USP34: variants seen among roughly 807,000 people sequenced by gnomAD.
The protein encoded by USP34 is ubiquitin specific peptidase 34.
A neutral mutation model predicts 460.3 loss-of-function variants in USP34; 70 were observed. That is an observed-to-expected ratio of 0.15 (90% CI 0.13 to 0.19). The LOEUF (loss-of-function observed/expected upper bound fraction) is 0.19. USP34 is among the 10% of genes least tolerant of loss of function. USP34 has a pLI of 1.00. For synonymous variants in USP34, 1,647 were observed against 1,405.3 expected (o/e 1.17, Z -3.85); for missense variants, 3,985 against 4,236.2 (o/e 0.94, Z 1.65).
chr2:61,214,465 C>T lies in USP34; in HGVS notation c.8277G>A (p.Met2759Ile). ...TTKLVPYFSF[M>I]TYCLISKTEK... ...CAGTTTTGGAAATTAAACAGTAAGT[C>T]ATAAAGCTAAAATAGGGCACTAGCT... Residue 2759 changes from methionine to isoleucine, a missense_variant, in exon 68 of 80, where the codon ATG becomes ATA. Coordinates refer to ENST00000398571, the MANE Select transcript of USP34 (RefSeq NM_014709.4). The T allele has an allele frequency of 6.2e-7, 1 of 1,614,038 alleles. No individual in the cohort carries two copies. Among genetic ancestry groups the T allele is most frequent in the Non-Finnish European group, 8.5e-7 (1 of 1,180,000 alleles).
chr2:61,341,435 G>C (rs1691594647), intron 16 of USP34, among the ~76,000 whole-genome samples: 1 of 152,288 alleles, frequency 6.6e-6, no homozygotes, highest in African/African-American at 2.4e-5. Context: ...TCCAGTGTTG[G>C]AGGTGAGTCT....
Position 61,265,436 on chromosome 2 carries a change from A to G in USP34, c.5739T>C (p.Tyr1913=), listed in dbSNP as rs1689019204. The change falls in exon 43 of 80, where the codon TAT becomes TAC. Residue 1913 remains tyrosine, a synonymous_variant. Transcript: ENST00000398571. The stretch of plus-strand genomic sequence containing the variant: ...CAGCCTGTCTTGCCTCAGGTATCAT[A>G]TAAAGTTGCTGAATAGTAGAAGCTA... ...CYLASTIQQL[Y]MIPEARQAVF... is the part of the protein sequence containing the mutation. 2 of 1,612,952 alleles carry G rather than the reference A, an allele frequency of 1.2e-6. No individual in the cohort carries two copies. Among genetic ancestry groups the G allele is most frequent in the South Asian group, 1.1e-5 (1 of 90,600 alleles).
chr2:61,399,292 G>C (rs1339213835), intron 3 of USP34, among the ~76,000 whole-genome samples: 3 of 148,522 alleles, frequency 2.0e-5, no homozygotes, highest in African/African-American at 7.5e-5. Flanking sequence ...GCAGTGAGCT[G>C]TTATCATGCC....
intron 8 of USP34, among the ~76,000 whole-genome samples, chr2:61,374,035 A>G (rs971173956): frequency 4.6e-5 from 7 of 152,076 alleles, no homozygotes; most frequent in Non-Finnish European, 1.0e-4. Context: ...AGGTGCCTAT[A>G]ATCCCAGTTA....
chr2:61,353,929 G>A (rs958181281), intron 10 of USP34, among the ~76,000 whole-genome samples: 4 of 151,930 alleles, frequency 2.6e-5, no homozygotes, highest in Admixed American at 6.6e-5. Flanking sequence ...CTGAGCAAGC[G>A]GAAAAAAGAA....
At chr2:61,349,411 GT>G in intron 12 of USP34, 126 bp from the exon 13 acceptor site, 1 of 890,324 alleles carries the variant, frequency 1.1e-6, no homozygotes, top group Non-Finnish European at 1.7e-6. Flanking sequence ...ATAAGGTTAA[GT>G]CCCCACCACC....
At chr2:61,467,869 C>G (rs144106423) in intron 1 of USP34, among the ~76,000 whole-genome samples, 1 of 151,978 alleles carries the variant, frequency 6.6e-6, no homozygotes, top group Non-Finnish European at 1.5e-5. Flanking sequence ...GATCCGCCCA[C>G]CTCGGCCTCC....
At chr2:61,453,058 T>G (rs897313596) in intron 1 of USP34, among the ~76,000 whole-genome samples, 5 of 152,102 alleles carry the variant, frequency 3.3e-5, no homozygotes, top group African/African-American at 4.8e-5. Flanking sequence ...ATATAAAGCT[T>G]TTAGGCAATA....
At chr2:61,270,581 A>G (rs919998273) in intron 41 of USP34, among the ~76,000 whole-genome samples, 4 of 152,056 alleles carry the variant, frequency 2.6e-5, no homozygotes, top group African/African-American at 9.7e-5. Flanking sequence ...GATTACGGGT[A>G]TGCACCGCCA....
intron 71 of USP34, 134 bp from the exon 72 acceptor site, chr2:61,206,258 GTCATTTTCATGAGATGATTACTAC>G: frequency 1.4e-6 from 1 of 700,192 alleles, no homozygotes; most frequent in Non-Finnish European, 2.4e-6. Context: ...TGAAAGCTAA[GTCATTTTCATGAGATGATTACTAC>G]TAATGTTAAA....
At chr2:61,227,364 A>T (rs527298807) in intron 61 of USP34, 146 bp from the exon 62 acceptor site, 1 of 810,248 alleles carries the variant, frequency 1.2e-6, no homozygotes, top group East Asian at 2.7e-5. Context: ...ACCTAATGTA[A>T]AACACTCTAA....
chr2:61,204,326 T>C lies in USP34; in HGVS notation c.9314A>G (p.Lys3105Arg). ...AGGGCGCGGAGGCCGAATATTGCTT[T>C]TCCCTCCTATTAGCTTGATATTTTC... The part of the protein sequence containing the change: ...CRENIKLIGG[K>R]SNIRPPRPEL... Residue 3105 changes from lysine to arginine, a missense_variant, in exon 74 of 80, where the codon AAA becomes AGA. This residue lies in a region of USP34 where 275 missense variants were observed against 292.7 expected (regional missense o/e 0.94). Coordinates refer to ENST00000398571, the MANE Select transcript of USP34 (RefSeq NM_014709.4). The C allele has an allele frequency of 6.2e-7, 1 of 1,614,224 alleles. No homozygotes were observed. Among genetic ancestry groups the C allele is most frequent in the Non-Finnish European group, 8.5e-7 (1 of 1,180,044 alleles).
At chr2:61,253,515 C>T (rs1241872401) in intron 48 of USP34, among the ~76,000 whole-genome samples, 1 of 152,216 alleles carries the variant, frequency 6.6e-6, no homozygotes, top group East Asian at 1.9e-4. Flanking sequence ...GTCCACCTAA[C>T]AACTTGCCCA....
intron 34 of USP34, among the ~76,000 whole-genome samples, 174 bp downstream of exon 34, chr2:61,288,503 T>G (rs913499613): frequency 6.6e-6 from 1 of 152,218 alleles, no homozygotes; most frequent in African/African-American, 2.4e-5. Context: ...TTCTGGATGA[T>G]GAAATGAAAA....
intron 67 of USP34, among the ~76,000 whole-genome samples, chr2:61,215,501 G>A (rs1192316992): frequency 1.1e-4 from 16 of 152,192 alleles, no homozygotes; most frequent in Admixed American, 1.0e-3. Flanking sequence ...ATGCTGAGGA[G>A]TTAGTGACTT....
intron 8 of USP34, among the ~76,000 whole-genome samples, chr2:61,373,286 C>A (rs993898673): frequency 6.7e-6 from 1 of 149,632 alleles, no homozygotes; most frequent in Non-Finnish European, 1.5e-5. Flanking sequence ...AGAAAACCAA[C>A]AGCAAAATGA....
intron 41 of USP34, among the ~76,000 whole-genome samples, chr2:61,268,857 T>G (rs1023728979): frequency 1.3e-5 from 2 of 152,172 alleles, no homozygotes; most frequent in African/African-American, 4.8e-5. Flanking sequence ...AATGCATATA[T>G]TCAGTAAAAT....
intron 27 of USP34, among the ~76,000 whole-genome samples, chr2:61,301,731 A>G (rs568417499): frequency 6.6e-6 from 1 of 152,314 alleles, no homozygotes; most frequent in South Asian, 2.1e-4. Flanking sequence ...AATAACAAGT[A>G]TATTACCAAC....
intron 1 of USP34, among the ~76,000 whole-genome samples, chr2:61,433,079 C>G (rs1694722373): frequency 1.3e-5 from 2 of 152,130 alleles, no homozygotes; most frequent in Non-Finnish European, 2.9e-5. Context: ...CAAGAAAGGA[C>G]AAAGGTTAAC....
Sources: allele counts gnomAD v4.1 joint callset (sites outside exome capture counted in the v4.1 genomes callset), GRCh38; gene constraint gnomAD v4.1.1; regional missense constraint gnomAD v4.1.1; transcripts MANE v1.5; gene names NCBI Gene and HGNC (gene_info 2026-07-23, HGNC 2026-07-21).